APLP2: variants seen among roughly 807,000 people sequenced by gnomAD.
The protein encoded by APLP2 is CDEI box-binding protein.
In APLP2, 53 loss-of-function variants were observed where a neutral mutation model predicts 89.9. The ratio of observed to expected loss-of-function variants is 0.59; its 90% CI spans 0.47 to 0.74. The LOEUF (loss-of-function observed/expected upper bound fraction) is 0.74, where lower values mean the gene tolerates loss of function less well. Ranked by LOEUF, APLP2 falls within the 30% of genes least tolerant of loss-of-function variation. The probability of loss-of-function intolerance (pLI) is 0.00; values close to 1 mark genes in which losing one functional copy is unlikely to be tolerated. For synonymous variants in APLP2, 372 were observed against 348.6 expected, an observed-to-expected ratio of 1.07 and a Z score of -0.75; for missense variants, 973 against 975.9, an observed-to-expected ratio of 1.00 and a Z score of 0.04.
At position 130,084,009 on chromosome 11, in the gene APLP2, G is replaced by T. The variant is rs1943685239; in HGVS notation, c.105+13927G>T. The stretch of plus-strand genomic sequence containing the variant: ...CGCCTGTAATCCCAGCACTTTGGGA[G>T]GCCGAGGCAGGCGGATCACGAGGTC... On this transcript the variant is annotated intron_variant, in intron 1 of 16. Coordinates refer to ENST00000338167, the MANE Select transcript of APLP2 (RefSeq NM_001142276.2). Among the ~76,000 whole-genome samples, 9 of 152,206 alleles carry T rather than the reference G, an allele frequency of 5.9e-5. No individual in the cohort carries two copies. The South Asian group carries it at 1.9e-3, about 31-fold the overall frequency.
chr11:130,137,169 G>GATAGAAATTTT, intron 13 of APLP2: 1 of 1,189,604 alleles, frequency 8.4e-7, no homozygotes, highest in Non-Finnish European at 1.2e-6. Flanking sequence ...GAAATTCTAA[G>GATAGAAATTTT]ATAGAAATTT....
intron 3 of APLP2, among the ~76,000 whole-genome samples, chr11:130,117,568 C>T (rs1356517770): frequency 6.6e-6 from 1 of 152,088 alleles, no homozygotes; most frequent in Admixed American, 6.6e-5. Flanking sequence ...CCATGCCTGG[C>T]TAATTTTTGT....
At chr11:130,092,545 C>T (rs1323831907) in intron 1 of APLP2, among the ~76,000 whole-genome samples, 3 of 146,766 alleles carry the variant, frequency 2.0e-5, no homozygotes, top group Admixed American at 1.3e-4. Flanking sequence ...CACAGCGAAA[C>T]CCCGTCTCCA....
chr11:130,133,140 T>A (rs1205627872), intron 11 of APLP2, among the ~76,000 whole-genome samples: 1 of 151,628 alleles, frequency 6.6e-6, no homozygotes, highest in Non-Finnish European at 1.5e-5. Flanking sequence ...TTTTTTTTTT[T>A]AAGACAGGAT....
In APLP2 at chr11:130,112,865, T is replaced by G. The variant is rs372229121; in HGVS notation, c.403+2204T>G. On this transcript the variant is annotated intron_variant, in intron 3 of 16. Coordinates refer to ENST00000338167, the MANE Select transcript of APLP2 (RefSeq NM_001142276.2). ...TCCCCTGTTCTCTGTGATGTCATGC[T>G]TTAGGTTTTATCAGCATCGACCACC... Among the ~76,000 whole-genome samples the G allele has an allele frequency of 2.6e-5, 4 of 152,304 alleles. No individual in the cohort carries two copies. In the South Asian group the frequency reaches 8.3e-4, roughly 32 times the overall value.
At chr11:130,091,736 C>T (rs1457615545) in intron 1 of APLP2, among the ~76,000 whole-genome samples, 2 of 147,430 alleles carry the variant, frequency 1.4e-5, no homozygotes, top group African/African-American at 2.6e-5. Context: ...CCCCCACCTC[C>T]CTCCCGGACG....
At chr11:130,097,246 G>A (rs933906628) in intron 1 of APLP2, among the ~76,000 whole-genome samples, 5 of 152,304 alleles carry the variant, frequency 3.3e-5, no homozygotes, top group Admixed American at 3.3e-4. Flanking sequence ...AAAATGTTTA[G>A]CGGAATGACT....
chr11:130,079,271 G>A (rs1442669514), intron 1 of APLP2, among the ~76,000 whole-genome samples: 1 of 151,922 alleles, frequency 6.6e-6, no homozygotes, highest in Non-Finnish European at 1.5e-5. Context: ...GCTAATTTTT[G>A]TATTTATAGT....
chr11:130,094,916 C>T (rs770925150), intron 1 of APLP2, among the ~76,000 whole-genome samples: 1 of 152,130 alleles, frequency 6.6e-6, no homozygotes, highest in South Asian at 2.1e-4. Flanking sequence ...GGGACTGAAA[C>T]CAGTGGGTCA....
At chr11:130,070,776 A>G in intron 1 of APLP2, 2 of 1,387,850 alleles carry the variant, frequency 1.4e-6, no homozygotes, top group Non-Finnish European at 1.9e-6. Context: ...TGAGGGTTTC[A>G]GTGAGTAGGG....
chr11:130,103,289 T>A (rs565001302), intron 1 of APLP2, among the ~76,000 whole-genome samples: 100 of 152,346 alleles, frequency 6.6e-4, no homozygotes, highest in Non-Finnish European at 1.2e-3. Flanking sequence ...AGGCTTTTTA[T>A]ATTTCCGATG....
At chr11:130,070,554 C>T in intron 1 of APLP2, 6 of 1,281,504 alleles carry the variant, frequency 4.7e-6, no homozygotes, top group Non-Finnish European at 4.9e-6. Flanking sequence ...CACCTGCGAG[C>T]GGCGGGCTTC....
chr11:130,089,191 A>G (rs745415416), intron 1 of APLP2, among the ~76,000 whole-genome samples: 4 of 152,000 alleles, frequency 2.6e-5, no homozygotes, highest in Non-Finnish European at 4.4e-5. Flanking sequence ...TCACTTTCCT[A>G]TTCACACTGC....
intron 2 of APLP2, chr11:130,109,890 A>G: frequency 6.2e-6 from 2 of 321,184 alleles, no homozygotes. Flanking sequence ...GTCTTGGAAG[A>G]TGGAAAACAA....
chr11:130,104,176 T>C (rs907489091), intron 1 of APLP2, among the ~76,000 whole-genome samples: 5 of 151,306 alleles, frequency 3.3e-5, no homozygotes, highest in African/African-American at 1.2e-4. Context: ...AATCCTTAGA[T>C]TACAAAAGAA....
At chr11:130,115,120 C>T (rs75717242) in intron 3 of APLP2, among the ~76,000 whole-genome samples, 4,208 of 152,214 alleles carry the variant, frequency 0.028, 76 homozygotes, top group Middle Eastern at 0.058. Context: ...CTGTTTTCTC[C>T]CACCTGGGTA....
intron 1 of APLP2, among the ~76,000 whole-genome samples, chr11:130,085,302 A>G (rs998134009): frequency 3.9e-5 from 6 of 152,180 alleles, no homozygotes; most frequent in African/African-American, 1.4e-4. Flanking sequence ...ATACAAAAAA[A>G]TTAGCCAAGC....
intron 11 of APLP2, 117 bp downstream of exon 11, chr11:130,130,283 T>A: frequency 7.2e-7 from 1 of 1,383,542 alleles, no homozygotes; most frequent in Non-Finnish European, 1.0e-6. Context: ...CCTTAGAAAA[T>A]GAGTTTTGAT....
At chr11:130,081,855 A>G (rs762073255) in intron 1 of APLP2, among the ~76,000 whole-genome samples, 1 of 151,356 alleles carries the variant, frequency 6.6e-6, no homozygotes, top group Admixed American at 6.6e-5. Flanking sequence ...GATATCTTTT[A>G]AAAAAAAATC....
Sources: gnomAD v4.1 joint callset for allele counts (sites outside exome capture counted in the v4.1 genomes callset) on GRCh38, gnomAD v4.1.1 for gene constraint, MANE v1.5 for transcripts, NCBI Gene and HGNC (gene_info 2026-07-23, HGNC 2026-07-21) for gene names.